Variants in HMCN1 observed in about 807,000 individuals in gnomAD.
HMCN1 encodes the protein hemicentin-1.
HMCN1 carries 321 observed loss-of-function variants against 625.9 expected under a neutral mutation model. That is an observed-to-expected ratio of 0.51 (90% CI 0.47 to 0.56). HMCN1 has a LOEUF of 0.56. HMCN1 is among the 20% of genes least tolerant of loss of function. The pLI is 0.00. For synonymous variants in HMCN1, 2,425 were observed against 2,417.6 expected (o/e 1.00, Z -0.09); for missense variants, 6,588 against 6,887.3 (o/e 0.96, Z 1.54).
At chr1:185,941,010 C>T (rs1293508059) in intron 11 of HMCN1, among the ~76,000 whole-genome samples, 1 of 152,130 alleles carries the variant, frequency 6.6e-6, no homozygotes, top group African/African-American at 2.4e-5. Flanking sequence ...GATCTGCCTG[C>T]CTTGGCCTCC....
intron 1 of HMCN1, among the ~76,000 whole-genome samples, chr1:185,743,685 C>CTTCA (rs1430358340): frequency 6.6e-6 from 1 of 152,158 alleles, no homozygotes; most frequent in African/African-American, 2.4e-5. Flanking sequence ...CATGAGGAGT[C>CTTCA]TTCATCACTG....
rs372450302 is a variant in HMCN1 at position 186,145,739 on chromosome 1, A to G, written c.14438-14A>G. 6.2e-7 allele frequency: 1 copy of G among 1,614,148 alleles called. No homozygotes were observed. Among genetic ancestry groups the G allele is most frequent in the South Asian group, 1.1e-5 (1 of 91,082 alleles). On this transcript the variant is annotated splice_polypyrimidine_tract_variant and intron_variant, in intron 92 of 106. Transcript: ENST00000271588. Reference sequence around the variant, plus strand: ...CCAATTTCTTAACAGTGACCATTCCATTCTTGTTCACAGTGGATGGAAGTT... The same window carrying G: ...CCAATTTCTTAACAGTGACCATTCCGTTCTTGTTCACAGTGGATGGAAGTT...
At chr1:185,900,043 C>T (rs954366539) in intron 4 of HMCN1, among the ~76,000 whole-genome samples, 1 of 151,894 alleles carries the variant, frequency 6.6e-6, no homozygotes, top group African/African-American at 2.4e-5. Context: ...CTCCTCTCTT[C>T]CTCAACATGT....
At chr1:185,828,835 A>G (rs1189715339) in intron 1 of HMCN1, among the ~76,000 whole-genome samples, 1 of 152,162 alleles carries the variant, frequency 6.6e-6, no homozygotes, top group East Asian at 1.9e-4. Flanking sequence ...TAAACATGAC[A>G]TATCAGAATC....
At position 185,888,627 on chromosome 1, in the gene HMCN1, G is replaced by A. The variant is rs1460785660; in HGVS notation, c.622-20710G>A. On this transcript the variant is annotated intron_variant, in intron 4 of 106. Coordinates refer to ENST00000271588, the MANE Select transcript of HMCN1 (RefSeq NM_031935.3). The stretch of plus-strand genomic sequence containing the variant: ...AAAGATCAGATAGTTGTAGATATGC[G>A]GCGTTATTTCTGAGGGCTCTGTTGT... Among the ~76,000 whole-genome samples, 7 of 147,046 alleles carry A rather than the reference G, an allele frequency of 4.8e-5. 1 individual carries two copies. Among genetic ancestry groups the A allele is most frequent in the East Asian group, 1.9e-4 (1 of 5,184 alleles).
chr1:186,022,637 C>T (rs905385831), intron 35 of HMCN1, among the ~76,000 whole-genome samples: 2 of 151,792 alleles, frequency 1.3e-5, no homozygotes, highest in Non-Finnish European at 2.9e-5. Context: ...TTTCTGGTTC[C>T]CATGATCATT....
intron 97 of HMCN1, among the ~76,000 whole-genome samples, chr1:186,162,060 CA>C (rs1173659225): frequency 6.6e-6 from 1 of 152,216 alleles, no homozygotes; most frequent in Non-Finnish European, 1.5e-5. Context: ...GTACACCAAT[CA>C]GACGTAGATT....
intron 40 of HMCN1, among the ~76,000 whole-genome samples, chr1:186,044,004 C>G (rs1000937223): frequency 1.6e-4 from 25 of 152,112 alleles, no homozygotes. Flanking sequence ...TTGCTTGAAC[C>G]TGGGAGGCAA....
At chr1:185,867,120 A>T (rs1663298825) in intron 4 of HMCN1, among the ~76,000 whole-genome samples, 2 of 152,352 alleles carry the variant, frequency 1.3e-5, no homozygotes, top group South Asian at 4.1e-4. Context: ...ATCTAGCGAA[A>T]AATTTTTTTA....
chr1:185,951,444 G>A (rs986309226), intron 11 of HMCN1, among the ~76,000 whole-genome samples: 2 of 150,706 alleles, frequency 1.3e-5, no homozygotes, highest in South Asian at 2.1e-4. Flanking sequence ...TGTGGAGCGG[G>A]TAGCCTCTGT....
chr1:185,928,581 T>G lies in HMCN1; in HGVS notation c.1466T>G (p.Val489Gly). 6.2e-7 allele frequency: 1 copy of G among 1,613,334 alleles called. No individual in the cohort carries two copies. The highest frequency in any genetic ancestry group is 8.5e-7 in the Non-Finnish European group (1 of 1,179,314). Reference protein sequence around the residue: ...SASVNLDIAKVTLSDEGFYEC... With the variant: ...SASVNLDIAKGTLSDEGFYEC... ...AGTGTGAACTTAGATATTGCAAAGG[T>G]CACTTTGTCTGACGAAGGTTTCTAT... is the stretch of plus-strand genomic sequence containing the variant. Residue 489 changes from valine to glycine, a missense_variant, in exon 10 of 107, where the codon GTC (valine) becomes GGC (glycine). Coordinates refer to ENST00000271588, the MANE Select transcript of HMCN1 (RefSeq NM_031935.3).
intron 11 of HMCN1, among the ~76,000 whole-genome samples, chr1:185,935,164 T>C (rs1667746487): frequency 6.6e-6 from 1 of 152,202 alleles, no homozygotes; most frequent in South Asian, 2.1e-4. Context: ...TGGTTCTTTA[T>C]TTGAAGTCCC....
intron 88 of HMCN1, 21 bp downstream of exon 88, chr1:186,137,689 G>A (rs1295643936): frequency 2.5e-6 from 4 of 1,613,840 alleles, no homozygotes; most frequent in Non-Finnish European, 3.4e-6. Flanking sequence ...TTATTTAACT[G>A]ATAGGCATGT....
intron 97 of HMCN1, among the ~76,000 whole-genome samples, chr1:186,163,352 G>A (rs1476355820): frequency 2.6e-5 from 4 of 152,328 alleles, no homozygotes; most frequent in African/African-American, 9.6e-5. Context: ...CTGACCTCTT[G>A]CACTTCCCGA....
chr1:185,902,433 A>G (rs769286578), intron 4 of HMCN1, among the ~76,000 whole-genome samples: 9 of 151,080 alleles, frequency 6.0e-5, no homozygotes, highest in Non-Finnish European at 1.0e-4. Context: ...CTATCTATCT[A>G]TCTATCTATC....
chr1:185,930,591 T>C (rs1195203379), intron 10 of HMCN1, among the ~76,000 whole-genome samples: 1 of 152,158 alleles, frequency 6.6e-6, no homozygotes, highest in African/African-American at 2.4e-5. Context: ...CCAAGAGCAG[T>C]TTAAAGAAAA....
chr1:186,086,814 TGATAGATA>T (rs10523445), intron 58 of HMCN1, among the ~76,000 whole-genome samples: 16,750 of 73,132 alleles, frequency 0.23, 1,234 homozygotes, highest in Non-Finnish European at 0.25. Context: ...GATAGATAGA[TGATAGATA>T]GATAGATAGA....
intron 39 of HMCN1, among the ~76,000 whole-genome samples, chr1:186,040,462 C>A (rs552364030): frequency 6.6e-6 from 1 of 152,170 alleles, no homozygotes; most frequent in South Asian, 2.1e-4. Flanking sequence ...TAACAGAAAG[C>A]ATAGTATTCC....
intron 12 of HMCN1, among the ~76,000 whole-genome samples, chr1:185,962,956 A>C (rs1381685396): frequency 1.3e-5 from 2 of 152,158 alleles, no homozygotes; most frequent in Admixed American, 1.3e-4. Context: ...GAGGGTAATA[A>C]ATTTTCTGTG....
Sources: gnomAD v4.1 joint callset for allele counts (sites outside exome capture counted in the v4.1 genomes callset) on GRCh38, gnomAD v4.1.1 for gene constraint, MANE v1.5 for transcripts, NCBI Gene and HGNC (gene_info 2026-07-23, HGNC 2026-07-21) for gene names.